The following RBFOX3 variants were observed in gnomAD, a reference collection of about 807,000 sequenced individuals.
RBFOX3 encodes RNA binding protein fox-1 homolog 3.
Under a neutral mutation model 48.7 loss-of-function variants are expected in RBFOX3, and 17 were observed. The observed-to-expected ratio is 0.35, with a 90% CI of 0.24 to 0.52. RBFOX3 has a LOEUF of 0.52. RBFOX3 is among the 20% of genes least tolerant of loss of function. The pLI is 0.94. For missense variants in RBFOX3, 382 were observed against 497.5 expected (o/e 0.77, Z 2.21); for synonymous variants, 212 against 209.5 (o/e 1.01, Z -0.10).
chr17:79,272,749 G>T (rs2067970642), intron 3 of RBFOX3, among the ~76,000 whole-genome samples: 1 of 152,214 alleles, frequency 6.6e-6, no homozygotes, highest in Non-Finnish European at 1.5e-5. Context: ...GTGTTCCTGT[G>T]TGAGTCAGTC....
intron 4 of RBFOX3, among the ~76,000 whole-genome samples, chr17:79,193,033 T>G (rs2054833004): frequency 6.6e-6 from 1 of 152,214 alleles, no homozygotes; most frequent in African/African-American, 2.4e-5. Context: ...CCTTCCTGGC[T>G]GAACCTCATC....
intron 2 of RBFOX3, among the ~76,000 whole-genome samples, chr17:79,437,407 G>A (rs1017698059): frequency 2.6e-5 from 4 of 152,236 alleles, no homozygotes; most frequent in Admixed American, 2.6e-4. Context: ...GCCCAGGGAG[G>A]TGCGGGAAAG....
chr17:79,544,675 C>T (rs1198856744), intron 1 of RBFOX3, among the ~76,000 whole-genome samples: 4 of 152,022 alleles, frequency 2.6e-5, no homozygotes, highest in Non-Finnish European at 5.9e-5. Context: ...ACCTGGCTGC[C>T]TTCCCCAGGG....
chr17:79,492,859 G>A (rs2080892768), intron 1 of RBFOX3, among the ~76,000 whole-genome samples: 1 of 152,226 alleles, frequency 6.6e-6, no homozygotes, highest in Admixed American at 6.5e-5. Context: ...CACGCCAGGA[G>A]GCAGTGGTGG....
intron 2 of RBFOX3, among the ~76,000 whole-genome samples, chr17:79,367,424 T>C (rs1013472912): frequency 2.6e-5 from 4 of 151,190 alleles, no homozygotes; most frequent in African/African-American, 9.7e-5. Context: ...CTCCCACTGC[T>C]TGATCCTTCT....
intron 1 of RBFOX3, among the ~76,000 whole-genome samples, chr17:79,562,213 G>A (rs1402025895): frequency 2.6e-5 from 4 of 152,134 alleles, no homozygotes; most frequent in Non-Finnish European, 5.9e-5. Flanking sequence ...ATAGCATGCC[G>A]GCTGAGACTA....
At chr17:79,508,549 G>A (rs988026030) in intron 1 of RBFOX3, among the ~76,000 whole-genome samples, 4 of 152,136 alleles carry the variant, frequency 2.6e-5, no homozygotes, top group Non-Finnish European at 2.9e-5. Context: ...GCGCTGGCTC[G>A]GCCGAAGCTG....
chr17:79,604,315 A>C (rs1876065712), intron 1 of RBFOX3, among the ~76,000 whole-genome samples: 1 of 152,218 alleles, frequency 6.6e-6, no homozygotes, highest in Non-Finnish European at 1.5e-5. Flanking sequence ...AGTTTAAAGC[A>C]TATTCTGGGT....
At chr17:79,463,126 C>G in intron 2 of RBFOX3, among the ~76,000 whole-genome samples, 1 of 150,978 alleles carries the variant, frequency 6.6e-6, no homozygotes, top group African/African-American at 2.4e-5. Context: ...CTGCCATCGC[C>G]ACCGCCACTG....
intron 3 of RBFOX3, among the ~76,000 whole-genome samples, chr17:79,288,360 C>T (rs2072458227): frequency 6.6e-6 from 1 of 152,176 alleles, no homozygotes; most frequent in Non-Finnish European, 1.5e-5. Flanking sequence ...AGATAGATCC[C>T]ATCTGTCTGC....
intron 3 of RBFOX3, among the ~76,000 whole-genome samples, chr17:79,274,730 C>T (rs896787781): frequency 6.6e-6 from 1 of 152,082 alleles, no homozygotes; most frequent in Non-Finnish European, 1.5e-5. Flanking sequence ...GGCCCCCAGA[C>T]TTTTCCACCC....
intron 2 of RBFOX3, among the ~76,000 whole-genome samples, chr17:79,358,051 A>G (rs1274531207): frequency 6.6e-6 from 1 of 151,728 alleles, no homozygotes; most frequent in African/African-American, 2.4e-5. Flanking sequence ...GGCTCAAGCA[A>G]CCCTCCTGTC....
chr17:79,167,965 T>A (rs2048363484), intron 4 of RBFOX3, among the ~76,000 whole-genome samples: 1 of 152,192 alleles, frequency 6.6e-6, no homozygotes, highest in East Asian at 1.9e-4. Context: ...GCCCTTCCCT[T>A]CACCTCCAAC....
chr17:79,630,210 G>A, the RBFOX3 span, among the ~76,000 whole-genome samples: 6,301 of 152,246 alleles, frequency 0.041, 339 homozygotes, highest in Admixed American at 0.12. Context: ...CACGATGCTC[G>A]AGAACCCCGC....
intron 1 of RBFOX3, among the ~76,000 whole-genome samples, chr17:79,558,444 G>A (rs1393205930): frequency 4.6e-5 from 7 of 152,226 alleles, no homozygotes; most frequent in East Asian, 1.9e-4. Flanking sequence ...GCTGAGGGGC[G>A]GGGCTGAGGG....
rs536742995 is a variant in RBFOX3 at position 79,242,246 on chromosome 17, C to T, written c.-73-6441G>A. Among the ~76,000 whole-genome samples the T allele has an allele frequency of 3.6e-4, 54 of 152,088 alleles. No individual in the cohort carries two copies. In the South Asian group the frequency reaches 6.7e-3, roughly 19 times the overall value. The stretch of plus-strand genomic sequence containing the variant: ...AGGAGCCCCGGGGTGGGGGGCAGGC[C>T]GTATGGAGGGTCCTCGAGGCAGCTT... On this transcript the variant is annotated intron_variant, in intron 3 of 14. Transcript: ENST00000693108. This position sits in a 1 kb window ranked among gnomAD's most constrained non-coding sequence, Gnocchi z 5.8.
At position 79,288,479 on chromosome 17, in the gene RBFOX3, C is replaced by A. The variant is rs71387909; in HGVS notation, c.-74+19245G>T. Among the ~76,000 whole-genome samples the A allele has an allele frequency of 3.7e-3, 552 of 150,840 alleles. 2 individuals carry two copies. The highest frequency in any genetic ancestry group is 0.011 in the African/African-American group (461 of 40,718). ...ACTGCCCCTTTCCATTCTCTGCAGC[C>A]CCCCCCAGCCCGGCTTCCAGCCCCT... On this transcript the variant is annotated intron_variant, in intron 3 of 14. Coordinates refer to ENST00000693108, the MANE Select transcript of RBFOX3 (RefSeq NM_001350451.2).
intron 1 of RBFOX3, among the ~76,000 whole-genome samples, chr17:79,489,384 G>A (rs1252558990): frequency 2.0e-5 from 3 of 151,782 alleles, no homozygotes; most frequent in Admixed American, 6.6e-5. Context: ...AGCCTCCACC[G>A]CCCAGGCTCA....
At chr17:79,485,305 G>A (rs2079408426) in intron 1 of RBFOX3, among the ~76,000 whole-genome samples, 1 of 152,162 alleles carries the variant, frequency 6.6e-6, no homozygotes, top group African/African-American at 2.4e-5. Context: ...GTCATCCCCT[G>A]GGGCCACATG....
Sources: allele counts gnomAD v4.1 joint callset (sites outside exome capture counted in the v4.1 genomes callset), GRCh38; gene constraint gnomAD v4.1.1; non-coding constraint Gnocchi (gnomAD v3.1); transcripts MANE v1.5; gene names NCBI Gene and HGNC (gene_info 2026-07-23, HGNC 2026-07-21).